The following SDK1 variants were observed in gnomAD, a reference collection of about 807,000 sequenced individuals.
SDK1 encodes the protein sidekick cell adhesion molecule 1.
In SDK1, 157 loss-of-function variants were observed where a neutral mutation model predicts 245.5. The ratio of observed to expected loss-of-function variants is 0.64; its 90% CI spans 0.56 to 0.73. The LOEUF (loss-of-function observed/expected upper bound fraction) is 0.73, where lower values mean the gene tolerates loss of function less well. Ranked by LOEUF, SDK1 falls within the 30% of genes least tolerant of loss-of-function variation. The pLI is 0.00. For synonymous variants in SDK1, 1,647 were observed against 1,278.5 expected, an observed-to-expected ratio of 1.29 and a Z score of -6.15; for missense variants, 3,583 against 3,002.3, an observed-to-expected ratio of 1.19 and a Z score of -4.52.
intron 1 of SDK1, among the ~76,000 whole-genome samples, chr7:3,316,002 T>C (rs570038449): frequency 6.6e-6 from 1 of 152,198 alleles, no homozygotes; most frequent in Non-Finnish European, 1.5e-5. Context: ...TGGTTAGTGC[T>C]GTTTAATCTT....
chr7:3,316,420 G>A (rs1173956743), intron 1 of SDK1, among the ~76,000 whole-genome samples: 5 of 152,132 alleles, frequency 3.3e-5, no homozygotes, highest in Admixed American at 6.5e-5. Flanking sequence ...TGTGTAGGAG[G>A]CCATAACATC....
At chr7:3,424,865 C>G (rs961393895) in intron 1 of SDK1, among the ~76,000 whole-genome samples, 1 of 152,100 alleles carries the variant, frequency 6.6e-6, no homozygotes, top group African/African-American at 2.4e-5. Context: ...CTACTGCACT[C>G]CAGCCTTGGT....
intron 4 of SDK1, among the ~76,000 whole-genome samples, chr7:3,788,828 C>T (rs778210216): frequency 1.3e-5 from 2 of 152,184 alleles, no homozygotes; most frequent in Non-Finnish European, 2.9e-5. Flanking sequence ...CCTTGCCTCT[C>T]CCAGTTCCGA....
chr7:3,680,479 A>G (rs771298581), intron 4 of SDK1, among the ~76,000 whole-genome samples: 3 of 152,222 alleles, frequency 2.0e-5, no homozygotes, highest in Non-Finnish European at 2.9e-5. Flanking sequence ...ACATGGAAAA[A>G]TGATGAAATC....
chr7:3,666,384 T>A (rs1783532899), intron 4 of SDK1, among the ~76,000 whole-genome samples: 1 of 152,230 alleles, frequency 6.6e-6, no homozygotes, highest in African/African-American at 2.4e-5. Flanking sequence ...TGGAATGCCA[T>A]CACCATGCTG....
At chr7:3,435,082 T>C (rs971676266) in intron 1 of SDK1, among the ~76,000 whole-genome samples, 2 of 152,204 alleles carry the variant, frequency 1.3e-5, no homozygotes, top group Non-Finnish European at 2.9e-5. Context: ...TTCTGATTAG[T>C]TCATTGCAAC....
At chr7:3,697,071 T>G (rs1180157911) in intron 4 of SDK1, among the ~76,000 whole-genome samples, 1 of 152,230 alleles carries the variant, frequency 6.6e-6, no homozygotes, top group African/African-American at 2.4e-5. Context: ...ATGAAAGGCA[T>G]GTTTTATTTT....
At chr7:3,980,892 A>G (rs991984292) in intron 13 of SDK1, among the ~76,000 whole-genome samples, 2 of 151,996 alleles carry the variant, frequency 1.3e-5, no homozygotes, top group East Asian at 1.9e-4. Context: ...AGTGAGCCGA[A>G]TTGCACCACT....
intron 1 of SDK1, among the ~76,000 whole-genome samples, chr7:3,432,367 A>G (rs1366762815): frequency 6.6e-6 from 1 of 151,936 alleles, no homozygotes; most frequent in African/African-American, 2.4e-5. Context: ...ATCTGTTGCT[A>G]CTAGAATTTT....
At chr7:4,251,315 A>G (rs1213015098) in intron 44 of SDK1, among the ~76,000 whole-genome samples, 1 of 152,220 alleles carries the variant, frequency 6.6e-6, no homozygotes, top group Non-Finnish European at 1.5e-5. Flanking sequence ...TATTACAGCA[A>G]AAGAATACAG....
chr7:3,557,349 GTT>G (rs1779620049), intron 1 of SDK1, among the ~76,000 whole-genome samples: 1 of 152,184 alleles, frequency 6.6e-6, no homozygotes, highest in South Asian at 2.1e-4. Flanking sequence ...AATGAGGTCA[GTT>G]TGTCAAAAAC....
intron 19 of SDK1, among the ~76,000 whole-genome samples, chr7:4,058,680 A>G (rs938165496): frequency 6.6e-6 from 1 of 152,236 alleles, no homozygotes; most frequent in Non-Finnish European, 1.5e-5. Flanking sequence ...TGCCAAGAGA[A>G]AAATGGGATG....
At chr7:4,248,241 C>A (rs1237136286) in intron 44 of SDK1, among the ~76,000 whole-genome samples, 1 of 151,920 alleles carries the variant, frequency 6.6e-6, no homozygotes, top group Non-Finnish European at 1.5e-5. Context: ...TACACACATG[C>A]ATACCTAAAT....
intron 1 of SDK1, among the ~76,000 whole-genome samples, chr7:3,575,537 G>C (rs13222753): frequency 6.6e-6 from 1 of 151,966 alleles, no homozygotes; most frequent in Non-Finnish European, 1.5e-5. Context: ...GGTGAGGGGG[G>C]ACACCCACAT....
chr7:3,362,842 C>G (rs6462040), intron 1 of SDK1, among the ~76,000 whole-genome samples: 3 of 151,996 alleles, frequency 2.0e-5, no homozygotes, highest in African/African-American at 7.2e-5. Flanking sequence ...TCTGAGAAAA[C>G]CTTGGATAAT....
In SDK1 at chr7:4,077,125, C is replaced by A; in HGVS notation, c.3138C>A (p.Ala1046=). Residue 1046 remains alanine, a synonymous_variant, in exon 21 of 45, where the codon GCC becomes GCA. Transcript: ENST00000404826. ...SSLTTYTIDV[A]AVTAVGTGLV... The stretch of plus-strand genomic sequence containing the variant: ...TCACCACCTACACCATCGACGTGGC[C>A]GCTGTGACTGCCGTGGGCACTGGCC... The A allele has an allele frequency of 6.2e-7, 1 of 1,614,222 alleles. No individual in the cohort carries two copies. The highest frequency in any genetic ancestry group is 1.1e-5 in the South Asian group (1 of 91,088).
At chr7:3,428,025 C>T (rs1291400469) in intron 1 of SDK1, among the ~76,000 whole-genome samples, 1 of 152,200 alleles carries the variant, frequency 6.6e-6, no homozygotes, top group Non-Finnish European at 1.5e-5. Context: ...ATCTTTGCTG[C>T]CCAATTCCCT....
rs907159047 is a variant in SDK1 at position 4,266,585 on chromosome 7, T to C, written c.*1201T>C. 46 of 984,970 alleles carry C rather than the reference T, an allele frequency of 4.7e-5. No homozygotes were observed. In the African/African-American group the frequency reaches 7.5e-4, roughly 16 times the overall value. 61.0% of individuals were successfully genotyped at this position (984,970 alleles called of 1,614,324 possible). Reference sequence around the variant, plus strand: ...TTTGGAAATGTTTCTTTTTTTTATTTAAAATTGTCATTGTTTGGTTTAAAT... The same window carrying C: ...TTTGGAAATGTTTCTTTTTTTTATTCAAAATTGTCATTGTTTGGTTTAAAT... On this transcript the variant is annotated 3_prime_UTR_variant, in exon 45 of 45. Transcript: ENST00000404826.
intron 28 of SDK1, among the ~76,000 whole-genome samples, chr7:4,141,149 C>T (rs1779560253): frequency 6.6e-6 from 1 of 152,156 alleles, no homozygotes; most frequent in South Asian, 2.1e-4. Context: ...AGGTGAGGCC[C>T]ACGTGGGGCA....
Sources: gnomAD v4.1 joint callset for allele counts (sites outside exome capture counted in the v4.1 genomes callset) on GRCh38, gnomAD v4.1.1 for gene constraint, MANE v1.5 for transcripts, NCBI Gene and HGNC (gene_info 2026-07-23, HGNC 2026-07-21) for gene names.